ADAM9: variants seen among roughly 807,000 people sequenced by gnomAD.
The protein encoded by ADAM9 is disintegrin and metalloproteinase domain-containing protein 9.
Under a neutral mutation model 108.1 loss-of-function variants are expected in ADAM9, and 54 were observed. The observed-to-expected ratio is 0.50, with a 90% CI of 0.40 to 0.63. ADAM9 has a LOEUF of 0.63. Ranked by LOEUF, ADAM9 falls within the 20% of genes least tolerant of loss-of-function variation. ADAM9 has a pLI of 0.00. For missense variants in ADAM9, 830 were observed against 997.7 expected (o/e 0.83, Z 2.26); for synonymous variants, 316 against 336.0 (o/e 0.94, Z 0.65).
At chr8:39,063,014 T>C (rs1838346034) in intron 14 of ADAM9, among the ~76,000 whole-genome samples, 1 of 152,340 alleles carries the variant, frequency 6.6e-6, no homozygotes, top group East Asian at 1.9e-4. Flanking sequence ...GTTAGAGACC[T>C]TTCTAACTCC....
intron 11 of ADAM9, among the ~76,000 whole-genome samples, chr8:39,036,725 CT>C (rs1312590622): frequency 1.3e-4 from 20 of 152,296 alleles, no homozygotes; most frequent in African/African-American, 4.6e-4. Context: ...GGTATTTTCA[CT>C]GTAGCCTCTA....
chr8:39,050,830 GTTT>G (rs58115667), intron 12 of ADAM9, among the ~76,000 whole-genome samples: 22 of 85,232 alleles, frequency 2.6e-4, no homozygotes, highest in African/African-American at 6.3e-4. Flanking sequence ...GCTTGGAAGT[GTTT>G]TTTTTTTTTT....
rs1034040414 is a variant in ADAM9, at chr8:39,035,686, G to A, written c.1131-6260G>A. Reference sequence around the variant, plus strand: ...CAAAACATTAGCCGGGCATGGTGGCGGGCGCCTGTAGTCCCAGCTACTGAG... The same window carrying A: ...CAAAACATTAGCCGGGCATGGTGGCAGGCGCCTGTAGTCCCAGCTACTGAG... On this transcript the variant is annotated intron_variant, in intron 11 of 21. Coordinates refer to ENST00000487273, the MANE Select transcript of ADAM9 (RefSeq NM_003816.3). Among the ~76,000 whole-genome samples the A allele has an allele frequency of 2.6e-5, 4 of 152,114 alleles. No homozygotes were observed. The East Asian group carries it at 5.8e-4, about 22-fold the overall frequency.
At chr8:39,082,846 A>G in intron 17 of ADAM9, 122 bp from the exon 18 acceptor site, 9 of 1,348,188 alleles carry the variant, frequency 6.7e-6, no homozygotes, top group Non-Finnish European at 9.5e-6. Flanking sequence ...TAAAATTTTC[A>G]TTCTTAAACA....
At chr8:39,043,772 C>T (rs951630422) in intron 12 of ADAM9, among the ~76,000 whole-genome samples, 1 of 151,966 alleles carries the variant, frequency 6.6e-6, no homozygotes, top group African/African-American at 2.4e-5. Flanking sequence ...GCCCTCACAC[C>T]CCTCCCATGC....
At chr8:39,092,570 A>G (rs1310413563) in intron 20 of ADAM9, among the ~76,000 whole-genome samples, 1 of 152,108 alleles carries the variant, frequency 6.6e-6, no homozygotes, top group East Asian at 1.9e-4. Context: ...TTGGCAAAAT[A>G]TATATAAAAT....
Position 39,008,219 on chromosome 8 carries a change from A to G in ADAM9, c.195+236A>G, listed in dbSNP as rs1037128484. Among the ~76,000 whole-genome samples, 12 of 150,670 alleles carry G rather than the reference A, an allele frequency of 8.0e-5. No homozygotes were observed. The highest frequency in any genetic ancestry group is 1.6e-4 in the Non-Finnish European group (11 of 67,836). On this transcript the variant is annotated intron_variant, in intron 2 of 21. Coordinates refer to ENST00000487273, the MANE Select transcript of ADAM9 (RefSeq NM_003816.3). ...AGTCTTGCTCTGTCGCCCAGGCTGG[A>G]GTGTGCAGTGGTGTGATCTCGGCTC...
intron 14 of ADAM9, among the ~76,000 whole-genome samples, chr8:39,069,667 T>G (rs566030119): frequency 6.6e-6 from 1 of 151,918 alleles, no homozygotes; most frequent in Non-Finnish European, 1.5e-5. Context: ...GTGAGCATGG[T>G]GAGCTGATGA....
In ADAM9 at chr8:39,104,410, T is replaced by C. The variant is rs1170362093; in HGVS notation, c.*710T>C. The C allele has an allele frequency of 2.3e-6, 1 of 433,184 alleles. No individual in the cohort carries two copies. The highest frequency in any genetic ancestry group is 1.7e-5 in the South Asian group (1 of 59,444). 26.8% of individuals were successfully genotyped at this position (433,184 alleles called of 1,614,324 possible). ...GAAATTAATTTAATATTAGAATTTC[T>C]ATTATGAATCATGTGAAAGCATGAC... On this transcript the variant is annotated 3_prime_UTR_variant, in exon 22 of 22. Coordinates refer to ENST00000487273, the MANE Select transcript of ADAM9 (RefSeq NM_003816.3).
chr8:39,051,845 C>G (rs1350253849), intron 12 of ADAM9, among the ~76,000 whole-genome samples: 1 of 152,042 alleles, frequency 6.6e-6, no homozygotes, highest in African/African-American at 2.4e-5. Flanking sequence ...TTTAACCATA[C>G]TCTCATTAAT....
chr8:39,065,804 A>G (rs1183524979), intron 14 of ADAM9, among the ~76,000 whole-genome samples: 2 of 151,952 alleles, frequency 1.3e-5, no homozygotes, highest in Admixed American at 6.5e-5. Context: ...CACAACGTGC[A>G]GGTTTGTCAC....
intron 14 of ADAM9, among the ~76,000 whole-genome samples, chr8:39,060,079 A>G (rs1434929650): frequency 6.6e-6 from 1 of 152,208 alleles, no homozygotes; most frequent in Non-Finnish European, 1.5e-5. Context: ...TATCATGGGC[A>G]ACTCAGGTTG....
At chr8:39,023,660 T>G (rs924646065) in intron 9 of ADAM9, among the ~76,000 whole-genome samples, 1 of 152,164 alleles carries the variant, frequency 6.6e-6, no homozygotes, top group Admixed American at 6.5e-5. Flanking sequence ...ATTGAAAAAT[T>G]ATCTCAATTT....
intron 6 of ADAM9, among the ~76,000 whole-genome samples, chr8:39,017,993 C>T (rs148635473): frequency 7.2e-5 from 11 of 152,188 alleles, no homozygotes; most frequent in African/African-American, 2.7e-4. Context: ...AACTTAATGA[C>T]TTCAGATGTG....
At chr8:39,090,369 G>A (rs994035093) in intron 19 of ADAM9, among the ~76,000 whole-genome samples, 181 bp downstream of exon 19, 7 of 151,896 alleles carry the variant, frequency 4.6e-5, no homozygotes, top group Non-Finnish European at 8.8e-5. Flanking sequence ...ATGGGGTTTC[G>A]CCATGTTGCC....
Position 39,104,224 on chromosome 8 carries a change from A to G in ADAM9, c.*524A>G, listed in dbSNP as rs1196818407. 4.4e-6 allele frequency: 2 copies of G among 453,976 alleles called. No individual in the cohort carries two copies. Among genetic ancestry groups the G allele is most frequent in the Admixed American group, 2.3e-5 (1 of 42,562 alleles). 28.1% of individuals were successfully genotyped at this position (453,976 alleles called of 1,614,324 possible). The stretch of plus-strand genomic sequence containing the variant: ...TAGAATCTTGTCTGTCACTCACTAC[A>G]TGAATAAGCAAATATTGTCTTCAAA... On this transcript the variant is annotated 3_prime_UTR_variant, in exon 22 of 22. Transcript: ENST00000487273.
At chr8:39,084,237 A>G (rs559153347) in intron 18 of ADAM9, among the ~76,000 whole-genome samples, 2 of 151,932 alleles carry the variant, frequency 1.3e-5, no homozygotes, top group African/African-American at 2.4e-5. Context: ...CAAGTTCTTT[A>G]TGAAATATGT....
At chr8:39,093,255 A>G (rs1387172234) in intron 20 of ADAM9, among the ~76,000 whole-genome samples, 1 of 152,092 alleles carries the variant, frequency 6.6e-6, no homozygotes, top group Non-Finnish European at 1.5e-5. Context: ...TATGTCTTCA[A>G]TTCCTTTCAT....
rs764548191 is a variant in ADAM9 at position 39,042,089 on chromosome 8, G to A, written c.1274G>A (p.Gly425Glu). The A allele has an allele frequency of 1.5e-5, 25 of 1,613,866 alleles. No homozygotes were observed. The highest frequency in any genetic ancestry group is 2.7e-5 in the African/African-American group (2 of 74,920). Residue 425 changes from glycine (G) to glutamate (E), a missense_variant, in exon 12 of 22, where the codon GGG becomes GAG. This residue lies in a region of ADAM9 where 381 missense variants were observed against 539.8 expected (regional missense o/e 0.71). Transcript: ENST00000487273. Reference sequence around the variant, plus strand: ...TGTGGTAATAAGTTGGTGGACGCTGGGGAAGAGTGTGACTGTGGTACTCCA... The same window carrying A: ...TGTGGTAATAAGTTGGTGGACGCTGAGGAAGAGTGTGACTGTGGTACTCCA... ...PSCGNKLVDA[G>E]EECDCGTPKE...
Sources: allele counts gnomAD v4.1 joint callset (sites outside exome capture counted in the v4.1 genomes callset), GRCh38; gene constraint gnomAD v4.1.1; regional missense constraint gnomAD v4.1.1; transcripts MANE v1.5; gene names NCBI Gene and HGNC (gene_info 2026-07-23, HGNC 2026-07-21).